The following ABTB3 variants were observed in gnomAD, a reference collection of about 807,000 sequenced individuals.
ABTB3 encodes the protein ankyrin repeat- and BTB/POZ domain-containing protein 3.
chr12:107,649,618 G>A, the ABTB3 span: 1 of 282,286 alleles, frequency 3.5e-6, no homozygotes, highest in Non-Finnish European at 6.9e-6. Context: ...CAGCTGAGGC[G>A]TTAATAGTGA....
chr12:107,539,144 G>A, the ABTB3 span, among the ~76,000 whole-genome samples: 46 of 152,294 alleles, frequency 3.0e-4, no homozygotes, highest in South Asian at 6.8e-3. Context: ...AATAGAAAAC[G>A]TGTCTAAATG....
the ABTB3 span, among the ~76,000 whole-genome samples, chr12:107,523,749 C>G: frequency 6.6e-6 from 1 of 152,200 alleles, no homozygotes; most frequent in East Asian, 1.9e-4. Context: ...AAGGTCCAAG[C>G]AGCACTCTTG....
chr12:107,517,300 G>A, the ABTB3 span, among the ~76,000 whole-genome samples: 9 of 152,182 alleles, frequency 5.9e-5, no homozygotes, highest in African/African-American at 1.2e-4. Context: ...GTCAGGTAGC[G>A]TGATGCCTCC....
the ABTB3 span, among the ~76,000 whole-genome samples, chr12:107,401,292 C>A: frequency 6.6e-6 from 1 of 152,180 alleles, no homozygotes. Context: ...CCCCAGCAGC[C>A]AGGCTGTCTG....
the ABTB3 span, among the ~76,000 whole-genome samples, chr12:107,632,365 A>T: frequency 3.3e-5 from 5 of 152,226 alleles, no homozygotes; most frequent in Non-Finnish European, 7.3e-5. Flanking sequence ...AGCAAGATGC[A>T]CGAGACACAC....
At chr12:107,460,315 C>T in the ABTB3 span, among the ~76,000 whole-genome samples, 2 of 152,170 alleles carry the variant, frequency 1.3e-5, no homozygotes, top group Non-Finnish European at 2.9e-5. Context: ...CCCTGTGTGG[C>T]CTTTGTGAAA....
the ABTB3 span, among the ~76,000 whole-genome samples, chr12:107,629,203 GC>G: frequency 6.6e-6 from 1 of 152,076 alleles, no homozygotes; most frequent in African/African-American, 2.4e-5. Flanking sequence ...GATCTCTTGA[GC>G]CCAGGAGTTC....
At chr12:107,480,871 C>T in the ABTB3 span, among the ~76,000 whole-genome samples, 1 of 152,178 alleles carries the variant, frequency 6.6e-6, no homozygotes, top group African/African-American at 2.4e-5. Context: ...GGAACACTGC[C>T]TGCATTACAA....
At chr12:107,352,481 C>T in the ABTB3 span, among the ~76,000 whole-genome samples, 1 of 152,120 alleles carries the variant, frequency 6.6e-6, no homozygotes. Flanking sequence ...TGTTTGTTTT[C>T]AGGGCAGTGG....
the ABTB3 span, among the ~76,000 whole-genome samples, chr12:107,511,571 T>G: frequency 6.6e-6 from 1 of 152,150 alleles, no homozygotes; most frequent in Non-Finnish European, 1.5e-5. Flanking sequence ...CTTCTCTTGG[T>G]GGCGGCAGGG....
the ABTB3 span, among the ~76,000 whole-genome samples, chr12:107,415,405 T>C: frequency 6.6e-6 from 1 of 152,108 alleles, no homozygotes; most frequent in Admixed American, 6.5e-5. Context: ...GTTAACTACT[T>C]TTTGGATAAA....
At chr12:107,396,448 A>G in the ABTB3 span, among the ~76,000 whole-genome samples, 1 of 152,200 alleles carries the variant, frequency 6.6e-6, no homozygotes, top group Non-Finnish European at 1.5e-5. Context: ...AGTTGTGAAG[A>G]CTGAATGAGG....
chr12:107,558,371 T>G, the ABTB3 span, among the ~76,000 whole-genome samples: 1 of 152,238 alleles, frequency 6.6e-6, no homozygotes, highest in East Asian at 1.9e-4. Context: ...CATCTGGCCC[T>G]GCAGGTGCTC....
At chr12:107,417,364 G>A in the ABTB3 span, among the ~76,000 whole-genome samples, 5 of 152,164 alleles carry the variant, frequency 3.3e-5, no homozygotes, top group Admixed American at 2.6e-4. Flanking sequence ...CTTGACTTAC[G>A]GCCTCATCAC....
the ABTB3 span, among the ~76,000 whole-genome samples, chr12:107,507,627 C>T: frequency 1.3e-5 from 2 of 152,184 alleles, no homozygotes; most frequent in African/African-American, 4.8e-5. Flanking sequence ...ATGATCTGGC[C>T]CCTGCCCACC....
the ABTB3 span, among the ~76,000 whole-genome samples, chr12:107,423,191 G>A: frequency 6.6e-6 from 1 of 152,140 alleles, no homozygotes. Context: ...AATAATCAAT[G>A]TATACTACCT....
At chr12:107,544,645 C>A in the ABTB3 span, among the ~76,000 whole-genome samples, 3 of 152,174 alleles carry the variant, frequency 2.0e-5, no homozygotes, top group African/African-American at 7.2e-5. Flanking sequence ...TGGGAGAGGA[C>A]CCGGAGGCTG....
chr12:107,538,364 A>AT, the ABTB3 span, among the ~76,000 whole-genome samples: 1 of 152,216 alleles, frequency 6.6e-6, no homozygotes, highest in African/African-American at 2.4e-5. Context: ...CCATTGGGTC[A>AT]TGTGGCACTT....
chr12:107,639,273 A>C, the ABTB3 span, among the ~76,000 whole-genome samples: 17 of 152,222 alleles, frequency 1.1e-4, no homozygotes, highest in African/African-American at 3.4e-4. Context: ...GCCCAGTCAC[A>C]AGTGGCCTCA....
Sources: allele counts gnomAD v4.1 joint callset (sites outside exome capture counted in the v4.1 genomes callset), GRCh38; gene constraint gnomAD v4.1.1; transcripts MANE v1.5; gene names NCBI Gene and HGNC (gene_info 2026-07-23, HGNC 2026-07-21).